The following CUL2 variants were observed in gnomAD, a reference collection of about 807,000 sequenced individuals.
CUL2 encodes cullin-2.
CUL2 carries 22 observed loss-of-function variants against 110.2 expected under a neutral mutation model. The observed-to-expected ratio is 0.20, with a 90% CI of 0.14 to 0.28. The LOEUF (loss-of-function observed/expected upper bound fraction) is 0.28, where lower values mean the gene tolerates loss of function less well. Ranked by LOEUF, CUL2 falls within the 10% of genes least tolerant of loss-of-function variation. The pLI is 1.00. For missense variants in CUL2, 631 were observed against 905.5 expected, an observed-to-expected ratio of 0.70 and a Z score of 3.89; for synonymous variants, 279 against 293.2, an observed-to-expected ratio of 0.95 and a Z score of 0.49.
intron 10 of CUL2, 149 bp downstream of exon 10, chr10:35,035,023 T>G: frequency 1.0e-6 from 1 of 976,488 alleles, no homozygotes. Context: ...GTCCAACAAA[T>G]TCTAGGTTTA....
upstream of CUL2, among the ~76,000 whole-genome samples, chr10:35,094,823 G>GA (rs1003448101): frequency 3.3e-5 from 5 of 151,036 alleles, no homozygotes; most frequent in Admixed American, 6.6e-5. Context: ...TTCTTTTCCA[G>GA]AAAAAAAAAT....
chr10:35,057,585 G>A (rs1200313504), intron 4 of CUL2, among the ~76,000 whole-genome samples: 8 of 150,944 alleles, frequency 5.3e-5, no homozygotes, highest in Admixed American at 3.3e-4. Flanking sequence ...CCCAGGAGGC[G>A]GAGGTTGCAG....
At chr10:35,070,399 A>G (rs1030377306) in intron 2 of CUL2, among the ~76,000 whole-genome samples, 1 of 152,192 alleles carries the variant, frequency 6.6e-6, no homozygotes, top group South Asian at 2.1e-4. Flanking sequence ...TTAGGCATTC[A>G]GAACAAGCTG....
At chr10:35,032,931 T>C (rs2085514489) in intron 11 of CUL2, among the ~76,000 whole-genome samples, 1 of 152,256 alleles carries the variant, frequency 6.6e-6, no homozygotes, top group African/African-American at 2.4e-5. Flanking sequence ...CCAGAACATA[T>C]CAGATTAAAA....
chr10:35,049,572 C>T (rs2086041304), intron 6 of CUL2, 111 bp downstream of exon 6: 3 of 716,930 alleles, frequency 4.2e-6, no homozygotes, highest in East Asian at 2.9e-5. Context: ...AGGCTCATTA[C>T]AGTAAAACCA....
At chr10:35,051,701 T>C (rs563183434) in intron 5 of CUL2, among the ~76,000 whole-genome samples, 21 of 152,352 alleles carry the variant, frequency 1.4e-4, no homozygotes, top group African/African-American at 5.1e-4. Context: ...TTAATGTTTA[T>C]TGTCCATTTT....
chr10:35,082,232 C>A (rs1372997782), intron 1 of CUL2, among the ~76,000 whole-genome samples: 1 of 152,076 alleles, frequency 6.6e-6, no homozygotes. Context: ...ATAAAAAGTT[C>A]CGATATATGC....
intron 1 of CUL2, among the ~76,000 whole-genome samples, chr10:35,117,982 C>G (rs1360756037): frequency 6.6e-6 from 1 of 152,192 alleles, no homozygotes; most frequent in African/African-American, 2.4e-5. Flanking sequence ...CACAGCCTCC[C>G]TATCAACATC....
rs146691741 is a variant in CUL2 at position 35,075,855 on chromosome 10, A to G, written c.-22-4516T>C. 4.1e-3 allele frequency among the ~76,000 whole-genome samples: 624 copies of G among 152,294 alleles called. 8 individuals are homozygous for G. Among genetic ancestry groups the G allele is most frequent in the African/African-American group, 0.015 (606 of 41,572 alleles). On this transcript the variant is annotated intron_variant, in intron 1 of 20. Transcript: ENST00000374749. ...AATTTCTAAATATGCATGATTGTCA[A>G]TAATAATTACAAAAGTGAATTATAA...
rs2087307433 is a variant in CUL2, at chr10:35,096,921, T to C, written c.167+3923A>G. Among the ~76,000 whole-genome samples, 3 of 151,958 alleles carry C rather than the reference T, an allele frequency of 2.0e-5. No homozygotes were observed. In the South Asian group the frequency reaches 6.3e-4, roughly 32 times the overall value. Reference sequence around the variant, plus strand: ...GCCTCCTGGCTTCAAGTGATTCTCCTGCCTCAGCTTCCCAAGTAGCTGGGA... The same window carrying C: ...GCCTCCTGGCTTCAAGTGATTCTCCCGCCTCAGCTTCCCAAGTAGCTGGGA... On this transcript the variant is annotated intron_variant, in intron 2 of 5. Transcript: ENST00000685421.
intron 2 of CUL2, among the ~76,000 whole-genome samples, chr10:35,066,584 C>A (rs550245834): frequency 6.6e-6 from 1 of 152,220 alleles, no homozygotes; most frequent in Non-Finnish European, 1.5e-5. Context: ...CAGGCGTGAG[C>A]CACTGCGCCC....
intron 1 of CUL2, among the ~76,000 whole-genome samples, chr10:35,103,333 A>AT (rs1170984115): frequency 0.013 from 705 of 53,364 alleles, 11 homozygotes; most frequent in African/African-American, 0.039. Context: ...TTTTTTTTTT[A>AT]TTTTTTTTTG....
chr10:35,068,616 G>T (rs2086598370), intron 2 of CUL2, among the ~76,000 whole-genome samples: 1 of 152,030 alleles, frequency 6.6e-6, no homozygotes, highest in Admixed American at 6.6e-5. Context: ...TTTGTGCAAA[G>T]GTGTATTTTA....
intron 1 of CUL2, among the ~76,000 whole-genome samples, chr10:35,073,615 T>C (rs908796338): frequency 1.3e-5 from 2 of 151,376 alleles, no homozygotes; most frequent in African/African-American, 4.9e-5. Context: ...TTTTCTTTTT[T>C]TTTTTGAGAT....
At chr10:35,108,892 G>A (rs750135791) in intron 1 of CUL2, among the ~76,000 whole-genome samples, 1 of 152,180 alleles carries the variant, frequency 6.6e-6, no homozygotes, top group African/African-American at 2.4e-5. Context: ...GAAATCTGAT[G>A]TTTGCTGAAT....
intron 5 of CUL2, among the ~76,000 whole-genome samples, chr10:35,050,617 C>A (rs936849055): frequency 6.6e-6 from 1 of 152,184 alleles, no homozygotes; most frequent in African/African-American, 2.4e-5. Flanking sequence ...TTACAATCCA[C>A]AATTTTGTGA....
At chr10:35,105,898 TATG>T (rs2087449449) in intron 1 of CUL2, among the ~76,000 whole-genome samples, 1 of 150,554 alleles carries the variant, frequency 6.6e-6, no homozygotes, top group Non-Finnish European at 1.5e-5. Flanking sequence ...GACATATTGG[TATG>T]ATGACAATGT....
At chr10:35,055,581 T>C (rs973605021) in intron 4 of CUL2, among the ~76,000 whole-genome samples, 5 of 152,014 alleles carry the variant, frequency 3.3e-5, no homozygotes, top group Non-Finnish European at 5.9e-5. Flanking sequence ...ATAATAATAA[T>C]AACTCCTAGA....
At chr10:35,021,306 G>A (rs867576254) in intron 17 of CUL2, among the ~76,000 whole-genome samples, 4 of 150,944 alleles carry the variant, frequency 2.6e-5, no homozygotes, top group Admixed American at 1.3e-4. Flanking sequence ...GCCCAGGCTG[G>A]AGTGCAGTGG....
Sources: gnomAD v4.1 joint callset for allele counts (sites outside exome capture counted in the v4.1 genomes callset) on GRCh38, gnomAD v4.1.1 for gene constraint, MANE v1.5 for transcripts, NCBI Gene and HGNC (gene_info 2026-07-23, HGNC 2026-07-21) for gene names.